GRID2: variants seen among roughly 807,000 people sequenced by gnomAD.
The protein encoded by GRID2 is glutamate ionotropic receptor delta type subunit 2, also known as glutamate receptor ionotropic, delta-2.
A neutral mutation model predicts 114.8 loss-of-function variants in GRID2; 33 were observed. The ratio of observed to expected loss-of-function variants is 0.29; its 90% confidence interval spans 0.22 to 0.38. The LOEUF is 0.38. Ranked by LOEUF, GRID2 falls within the 10% of genes least tolerant of loss-of-function variation. The pLI is 1.00. For missense variants in GRID2, 1,184 were observed against 1,257.7 expected (o/e 0.94, Z 0.89); for synonymous variants, 505 against 449.9 (o/e 1.12, Z -1.55).
At chr4:92,927,583 A>G (rs1428430649) in intron 2 of GRID2, among the ~76,000 whole-genome samples, 2 of 151,888 alleles carry the variant, frequency 1.3e-5, no homozygotes, top group Middle Eastern at 3.4e-3. Context: ...GACTTAGTTT[A>G]CTGGACAGTA....
At chr4:93,775,973 T>A (rs547927819), downstream of GRID2, among the ~76,000 whole-genome samples, 148 of 152,348 alleles carry the variant, frequency 9.7e-4, no homozygotes, top group Middle Eastern at 0.024. Flanking sequence ...CCATTTACCC[T>A]GCATGATACT....
At chr4:93,712,489 T>A (rs1728569871) in intron 14 of GRID2, among the ~76,000 whole-genome samples, 1 of 152,186 alleles carries the variant, frequency 6.6e-6, no homozygotes. Context: ...TGTTTTATAA[T>A]TCTCCTTCTT....
intron 1 of GRID2, among the ~76,000 whole-genome samples, chr4:92,416,934 T>A (rs1417771724): frequency 1.3e-5 from 2 of 152,088 alleles, no homozygotes; most frequent in African/African-American, 2.4e-5. Context: ...TCTAGTTTTC[T>A]GAGGAATTAT....
At position 93,601,848 on chromosome 4, in the gene GRID2, A is replaced by G. The variant is rs1231982709; in HGVS notation, c.2194-24421A>G. On this transcript the variant is annotated intron_variant, in intron 13 of 15. Coordinates refer to ENST00000282020, the MANE Select transcript of GRID2 (RefSeq NM_001510.4). ...CCTTATTTGGAGTAACCATGTTATT[A>G]TGAATAACACTATTATATTACACCT... Among the ~76,000 whole-genome samples the G allele has an allele frequency of 4.6e-5, 7 of 152,310 alleles. No individual in the cohort carries two copies. In the East Asian group the frequency reaches 1.4e-3, roughly 29 times the overall value.
At chr4:93,276,885 T>G in intron 8 of GRID2, among the ~76,000 whole-genome samples, 1 of 152,082 alleles carries the variant, frequency 6.6e-6, no homozygotes, top group East Asian at 1.9e-4. Context: ...TTATTAAAGC[T>G]TATAATAATT....
intron 2 of GRID2, among the ~76,000 whole-genome samples, chr4:92,817,344 AC>A (rs1202522957): frequency 6.6e-6 from 1 of 152,024 alleles, no homozygotes; most frequent in Non-Finnish European, 1.5e-5. Flanking sequence ...ATTCCTCTCT[AC>A]AAAACTTTTA....
At chr4:93,419,399 A>G (rs1344907183) in intron 9 of GRID2, among the ~76,000 whole-genome samples, 1 of 152,022 alleles carries the variant, frequency 6.6e-6, no homozygotes, top group Non-Finnish European at 1.5e-5. Context: ...ACTGCAGAGA[A>G]GGAACAAGTA....
intron 13 of GRID2, among the ~76,000 whole-genome samples, chr4:93,603,346 C>T (rs916650613): frequency 6.6e-6 from 1 of 152,198 alleles, no homozygotes; most frequent in East Asian, 1.9e-4. Context: ...TAAGCCAGAG[C>T]AAGGCCCTAA....
chr4:92,588,713 A>G (rs1728574235), intron 1 of GRID2, among the ~76,000 whole-genome samples: 1 of 149,378 alleles, frequency 6.7e-6, no homozygotes, highest in Admixed American at 6.7e-5. Flanking sequence ...ATTCTTCATT[A>G]GTTTCTCTCA....
At chr4:92,997,313 T>G (rs1755260925) in intron 2 of GRID2, among the ~76,000 whole-genome samples, 1 of 151,986 alleles carries the variant, frequency 6.6e-6, no homozygotes, top group Admixed American at 6.6e-5. Context: ...GTCAGAAGAG[T>G]AAGATACAGG....
chr4:92,621,569 G>A (rs1730276604), intron 2 of GRID2, among the ~76,000 whole-genome samples: 1 of 151,726 alleles, frequency 6.6e-6, no homozygotes, highest in Admixed American at 6.6e-5. Context: ...GCTGAGGTGG[G>A]AGGATTGTAT....
chr4:92,806,295 T>C (rs114609436), intron 2 of GRID2, among the ~76,000 whole-genome samples: 2,296 of 151,766 alleles, frequency 0.015, 53 homozygotes, highest in African/African-American at 0.053. Flanking sequence ...CTTAGAAAAC[T>C]ATCTCTTACA....
chr4:92,713,793 G>A (rs1735397738), intron 2 of GRID2, among the ~76,000 whole-genome samples: 1 of 151,782 alleles, frequency 6.6e-6, no homozygotes, highest in African/African-American at 2.4e-5. Flanking sequence ...AATTAGCACA[G>A]GAAAGACCTG....
rs537259167 is a variant in GRID2 at position 93,707,375 on chromosome 4, A to T, written c.2361-61835A>T. Among the ~76,000 whole-genome samples the T allele has an allele frequency of 2.2e-4, 34 of 152,132 alleles. No individual in the cohort carries two copies. The South Asian group carries it at 6.8e-3, about 31-fold the overall frequency. ...AAGACTTTATTACAGCTTTGAACTAAGTACTTGTTATTGATCTATTCAGGT... is the reference window on the plus strand; with the variant it reads ...AAGACTTTATTACAGCTTTGAACTATGTACTTGTTATTGATCTATTCAGGT... On this transcript the variant is annotated intron_variant, in intron 14 of 15. Transcript: ENST00000282020.
intron 13 of GRID2, among the ~76,000 whole-genome samples, chr4:93,604,117 A>T (rs949636707): frequency 1.3e-5 from 2 of 152,238 alleles, no homozygotes; most frequent in African/African-American, 4.8e-5. Context: ...ATGAATTTGG[A>T]CAAAGTAAAT....
At chr4:93,170,388 C>T (rs150251494) in intron 4 of GRID2, among the ~76,000 whole-genome samples, 5 of 152,008 alleles carry the variant, frequency 3.3e-5, no homozygotes, top group Non-Finnish European at 7.4e-5. Context: ...TGGGCCCCCC[C>T]CTTTTTTAAT....
At chr4:93,765,438 A>G (rs769428223) in intron 14 of GRID2, among the ~76,000 whole-genome samples, 11 of 151,922 alleles carry the variant, frequency 7.2e-5, no homozygotes, top group Non-Finnish European at 1.2e-4. Context: ...AACAATACAA[A>G]GAGATTTTTG....
chr4:93,390,589 T>C (rs1404635925), intron 8 of GRID2, among the ~76,000 whole-genome samples: 2 of 152,160 alleles, frequency 1.3e-5, no homozygotes, highest in Admixed American at 6.5e-5. Flanking sequence ...TCAGTCTTCT[T>C]CTAGAGCTTC....
intron 2 of GRID2, among the ~76,000 whole-genome samples, chr4:92,637,737 C>T (rs1276347818): frequency 6.6e-6 from 1 of 151,918 alleles, no homozygotes; most frequent in East Asian, 1.9e-4. Flanking sequence ...CTCCAGCTGG[C>T]TTCCAACTGT....
Sources: allele counts gnomAD v4.1 joint callset (sites outside exome capture counted in the v4.1 genomes callset), GRCh38; gene constraint gnomAD v4.1.1; transcripts MANE v1.5; gene names NCBI Gene and HGNC (gene_info 2026-07-23, HGNC 2026-07-21).